The following SCEL variants were observed in gnomAD, a reference collection of about 807,000 sequenced individuals.
The protein encoded by SCEL is sciellin.
A neutral mutation model predicts 117.6 loss-of-function variants in SCEL; 113 were observed. That is an observed-to-expected ratio of 0.96 (90% CI 0.83 to 1.12). The LOEUF is 1.12. SCEL is among the 50% of genes most tolerant of loss of function. The pLI is 0.00. For synonymous variants in SCEL, 270 were observed against 256.2 expected, an observed-to-expected ratio of 1.05 and a Z score of -0.51; for missense variants, 785 against 810.8, an observed-to-expected ratio of 0.97 and a Z score of 0.39.
chr13:77,602,269 A>G (rs2087764460), intron 16 of SCEL, 145 bp downstream of exon 16: 2 of 596,360 alleles, frequency 3.4e-6, no homozygotes, highest in Admixed American at 7.0e-5. Flanking sequence ...CAAAAGGAAT[A>G]TGTTGAGTGC....
intron 4 of SCEL, 136 bp downstream of exon 4, chr13:77,559,999 C>A: frequency 1.3e-6 from 1 of 755,478 alleles, no homozygotes; most frequent in Non-Finnish European, 2.3e-6. Context: ...GAAGGAGAAT[C>A]TGTGATATCA....
chr13:77,633,245 G>T (rs2090106964), intron 28 of SCEL, among the ~76,000 whole-genome samples: 1 of 149,822 alleles, frequency 6.7e-6, no homozygotes, highest in African/African-American at 2.5e-5. Flanking sequence ...GACCATCCTG[G>T]CTAACAAGGT....
rs189380904 is a variant in SCEL, at chr13:77,644,633, G to C, written c.*359G>C. ...CATTTCTTCACCTTTTTTTCTCTAA[G>C]AATTTGGATTCGTAGACATTGACAT... On this transcript the variant is annotated 3_prime_UTR_variant, in exon 33 of 33. Coordinates refer to ENST00000349847, the MANE Select transcript of SCEL (RefSeq NM_144777.3). 44 of 172,788 alleles carry C rather than the reference G, an allele frequency of 2.5e-4. 1 individual carries two copies. The Middle Eastern group carries it at 7.6e-3, about 30-fold the overall frequency. The allele number at this position is 172,788 out of a possible 1,614,324, so 10.7% of individuals were successfully genotyped here.
Position 77,577,096 on chromosome 13 carries a change from A to T in SCEL, c.545+4907A>T, listed in dbSNP as rs1462709538. On this transcript the variant is annotated intron_variant, in intron 9 of 32. Transcript: ENST00000349847. ...GTCATCTGCAAACAAAAACAATTTG[A>T]CTTCCTCTCTTTCTATTCAAATATG... Among the ~76,000 whole-genome samples, 3 of 152,092 alleles carry T rather than the reference A, an allele frequency of 2.0e-5. No individual in the cohort carries two copies. In the East Asian group the frequency reaches 5.8e-4, roughly 29 times the overall value.
At chr13:77,636,254 T>C (rs1283575815) in intron 29 of SCEL, among the ~76,000 whole-genome samples, 1 of 152,208 alleles carries the variant, frequency 6.6e-6, no homozygotes, top group Non-Finnish European at 1.5e-5. Context: ...TCAAGTTTCC[T>C]CATCAATAAA....
In SCEL at chr13:77,619,469, G is replaced by C. The variant is rs565416626; in HGVS notation, c.1628+1409G>C. 2.8e-4 allele frequency among the ~76,000 whole-genome samples: 43 copies of C among 152,268 alleles called. No individual in the cohort carries two copies. The South Asian group carries it at 8.9e-3, about 32-fold the overall frequency. On this transcript the variant is annotated intron_variant, in intron 27 of 32. Coordinates refer to ENST00000349847, the MANE Select transcript of SCEL (RefSeq NM_144777.3). ...TGTCATTACCTAGAGGAAAAACAAA[G>C]GATCTGTGGTTAAATCAGCTCAGAC... is the stretch of plus-strand genomic sequence containing the variant.
chr13:77,550,713 C>G (rs1290829931), intron 1 of SCEL, among the ~76,000 whole-genome samples: 6 of 152,204 alleles, frequency 3.9e-5, no homozygotes, highest in Admixed American at 6.5e-5. Flanking sequence ...CCTTTTTATG[C>G]TGAGTAATAT....
At chr13:77,622,203 T>G (rs1275679885) in intron 27 of SCEL, among the ~76,000 whole-genome samples, 1 of 152,228 alleles carries the variant, frequency 6.6e-6, no homozygotes, top group Non-Finnish European at 1.5e-5. Flanking sequence ...CTCTTAATTT[T>G]GTAAATGTGT....
intron 5 of SCEL, among the ~76,000 whole-genome samples, chr13:77,567,381 C>A (rs1018838569): frequency 9.9e-5 from 15 of 152,164 alleles, no homozygotes; most frequent in African/African-American, 3.6e-4. Context: ...TTGAACCCTG[C>A]GGGCAGAGGT....
intron 27 of SCEL, among the ~76,000 whole-genome samples, chr13:77,627,182 G>C (rs1012866662): frequency 7.9e-5 from 12 of 152,098 alleles, no homozygotes; most frequent in African/African-American, 2.7e-4. Context: ...TCTAAGAATT[G>C]ATTTCAGGTG....
chr13:77,567,275 G>A (rs1593958640), intron 5 of SCEL, among the ~76,000 whole-genome samples: 1 of 152,102 alleles, frequency 6.6e-6, no homozygotes, highest in South Asian at 2.1e-4. Context: ...CCAACATGGT[G>A]AAACCTCTTC....
intron 1 of SCEL, among the ~76,000 whole-genome samples, chr13:77,545,847 G>A (rs1021293631): frequency 4.6e-5 from 7 of 152,214 alleles, no homozygotes; most frequent in African/African-American, 1.7e-4. Flanking sequence ...CATCTGGCAG[G>A]GGCCTTCACT....
intron 27 of SCEL, 44 bp downstream of exon 27, chr13:77,618,104 G>A: frequency 1.3e-6 from 2 of 1,489,908 alleles, no homozygotes; most frequent in African/African-American, 2.8e-5. Flanking sequence ...AGTTTCTAGG[G>A]TAGGAACTTC....
chr13:77,642,144 C>T (rs1406382974), intron 31 of SCEL, among the ~76,000 whole-genome samples: 1 of 151,968 alleles, frequency 6.6e-6, no homozygotes, highest in Non-Finnish European at 1.5e-5. Context: ...TAAAAACAAA[C>T]ATGTTCACAC....
At chr13:77,603,505 C>G (rs1278270874) in intron 18 of SCEL, among the ~76,000 whole-genome samples, 2 of 152,144 alleles carry the variant, frequency 1.3e-5, no homozygotes, top group African/African-American at 4.8e-5. Flanking sequence ...TTCAGCTCCT[C>G]TAAGGGTGGT....
intron 11 of SCEL, 61 bp downstream of exon 11, chr13:77,591,521 C>T: frequency 2.1e-6 from 2 of 966,830 alleles, no homozygotes; most frequent in Non-Finnish European, 3.2e-6. Flanking sequence ...GCTTTCTCAG[C>T]ACATTAAAAA....
chr13:77,626,605 A>G (rs1375561413), intron 27 of SCEL, among the ~76,000 whole-genome samples: 2 of 152,136 alleles, frequency 1.3e-5, no homozygotes, highest in Non-Finnish European at 2.9e-5. Context: ...GTGAGTTTCC[A>G]TGAGATCTGA....
At chr13:77,639,281 A>T (rs2154407174) in intron 30 of SCEL, among the ~76,000 whole-genome samples, 1 of 152,352 alleles carries the variant, frequency 6.6e-6, no homozygotes, top group South Asian at 2.1e-4. Context: ...GATAATCCAT[A>T]GGAAAATATT....
At position 77,614,024 on chromosome 13, in the gene SCEL, G is replaced by A. The variant is rs1038638917; in HGVS notation, c.1451+69G>A. ...ACCCAAAATTAATAGAAATGATTTA[G>A]AATTATTCTATGGGCAAATTGAATA... On this transcript the variant is annotated intron_variant, in intron 24 of 32. Coordinates refer to ENST00000349847, the MANE Select transcript of SCEL (RefSeq NM_144777.3). 5.7e-4 allele frequency: 712 copies of A among 1,253,226 alleles called. 5 individuals are homozygous for A. The highest frequency in any genetic ancestry group is 1.9e-4 in the Middle Eastern group (1 of 5,276). 77.6% of individuals were successfully genotyped at this position (1,253,226 alleles called of 1,614,324 possible).
Sources: gnomAD v4.1 joint callset for allele counts (sites outside exome capture counted in the v4.1 genomes callset) on GRCh38, gnomAD v4.1.1 for gene constraint, MANE v1.5 for transcripts, NCBI Gene and HGNC (gene_info 2026-07-23, HGNC 2026-07-21) for gene names.